Variants in CEP63 observed in about 807,000 individuals in gnomAD.
CEP63 encodes centrosomal protein of 63 kDa.
A neutral mutation model predicts 89.1 loss-of-function variants in CEP63; 84 were observed. That is an observed-to-expected ratio of 0.94 (90% CI 0.79 to 1.13). The LOEUF (loss-of-function observed/expected upper bound fraction) is 1.13, where lower values mean the gene tolerates loss of function less well. Ranked by LOEUF, CEP63 falls within the 50% of genes most tolerant of loss-of-function variation. CEP63 has a pLI of 0.00. For synonymous variants in CEP63, 267 were observed against 272.5 expected (o/e 0.98, Z 0.20); for missense variants, 838 against 813.3 (o/e 1.03, Z -0.37).
At chr3:134,620,739 G>A in the CEP63 span, 2 of 1,603,874 alleles carry the variant, frequency 1.2e-6, no homozygotes, top group Non-Finnish European at 1.7e-6. Flanking sequence ...AATTCCACAG[G>A]GGGGCCTACC....
At chr3:134,567,217 T>C (rs1184264128), downstream of CEP63, among the ~76,000 whole-genome samples, 2 of 150,654 alleles carry the variant, frequency 1.3e-5, no homozygotes, top group Non-Finnish European at 2.9e-5. Context: ...TTGACAAATC[T>C]GTAGAGATAG....
intron 10 of CEP63, among the ~76,000 whole-genome samples, chr3:134,586,457 A>G (rs538207735): frequency 6.6e-6 from 1 of 152,124 alleles, no homozygotes; most frequent in Non-Finnish European, 1.5e-5. Flanking sequence ...TATGAAGCTT[A>G]GTTTGGCTGG....
Position 134,495,329 on chromosome 3 carries a change from T to G in CEP63, c.9T>G (p.Ala3=). The change falls in exon 2 of 15, where the codon GCT becomes GCG. Residue 3 remains alanine, a synonymous_variant. Coordinates refer to ENST00000675561, the MANE Select transcript of CEP63 (RefSeq NM_001353108.3). ...ACAAAGGGGATTTGGTGATGGAGGC[T>G]TTGTTAGAAGGAATACAAAATCGAG... is the stretch of plus-strand genomic sequence containing the variant. ME[A]LLEGIQNRGH... is the part of the protein sequence containing the mutation. The G allele has an allele frequency of 6.2e-7, 1 of 1,613,844 alleles. No individual in the cohort carries two copies. The highest frequency in any genetic ancestry group is 1.7e-5 in the Admixed American group (1 of 60,020).
At chr3:134,672,275 T>A in the CEP63 span, among the ~76,000 whole-genome samples, 1 of 152,210 alleles carries the variant, frequency 6.6e-6, no homozygotes, top group Non-Finnish European at 1.5e-5. Context: ...TTCTGAGGAA[T>A]AAATGAGATT....
intron 5 of CEP63, chr3:134,536,472 T>C (rs1304806338): frequency 2.0e-5 from 3 of 153,034 alleles, no homozygotes; most frequent in Admixed American, 6.5e-5. Flanking sequence ...TTCATAAATA[T>C]TGAAATCACT....
chr3:134,616,294 C>T, the CEP63 span, among the ~76,000 whole-genome samples: 4 of 152,166 alleles, frequency 2.6e-5, no homozygotes, highest in East Asian at 7.7e-4. Flanking sequence ...ATCTGAATTC[C>T]TCCCCAAATT....
the CEP63 span, chr3:134,650,814 G>T: frequency 1.9e-6 from 3 of 1,567,690 alleles, no homozygotes; most frequent in Non-Finnish European, 2.6e-6. Context: ...CCCGGGTCGG[G>T]CGCGCGTTAC....
chr3:134,577,399 C>G (rs1362528640), downstream of CEP63, among the ~76,000 whole-genome samples: 1 of 147,930 alleles, frequency 6.8e-6, no homozygotes, highest in Non-Finnish European at 1.5e-5. Flanking sequence ...AAAAAGCTTA[C>G]CAAAAACTTT....
downstream of CEP63, chr3:134,565,072 C>T (rs536153946): frequency 3.7e-4 from 220 of 591,058 alleles, no homozygotes; most frequent in Non-Finnish European, 4.4e-4. Context: ...AAAATCTGTC[C>T]GTGATCAGGG....
At chr3:134,591,785 G>T (rs1052233467), downstream of CEP63, among the ~76,000 whole-genome samples, 10 of 152,270 alleles carry the variant, frequency 6.6e-5, no homozygotes, top group Middle Eastern at 3.4e-3. Context: ...GGAGGCTGAG[G>T]TGGGAAGGTG....
At chr3:134,717,468 T>A in the CEP63 span, among the ~76,000 whole-genome samples, 6 of 152,284 alleles carry the variant, frequency 3.9e-5, no homozygotes, top group African/African-American at 1.4e-4. Flanking sequence ...CGAAACACCT[T>A]GTCTCAAATA....
intron 12 of CEP63, among the ~76,000 whole-genome samples, chr3:134,555,873 A>G (rs918663375): frequency 2.0e-5 from 3 of 152,116 alleles, no homozygotes; most frequent in Non-Finnish European, 2.9e-5. Flanking sequence ...ACTTCAAACT[A>G]TACTACAAGG....
chr3:134,688,092 C>G, the CEP63 span, among the ~76,000 whole-genome samples: 1 of 152,200 alleles, frequency 6.6e-6, no homozygotes, highest in Non-Finnish European at 1.5e-5. Flanking sequence ...AAAACCTAAA[C>G]TTACATAAAA....
chr3:134,760,319 A>G, the CEP63 span, among the ~76,000 whole-genome samples: 3 of 151,934 alleles, frequency 2.0e-5, no homozygotes, highest in African/African-American at 4.8e-5. Flanking sequence ...TCGGCCTCCC[A>G]AAGTGCTGGG....
chr3:134,537,088 G>C lies in CEP63; in HGVS notation c.442-67G>C. ...ACATGGGGAGAAATTAAAGTTAAAG[G>C]GAGTCTGGGAAGTAGTGACAGTGAG... On this transcript the variant is annotated intron_variant, in intron 5 of 14. Transcript: ENST00000675561. 4 of 964,282 alleles carry C rather than the reference G, an allele frequency of 4.1e-6. No homozygotes were observed. In the South Asian group the frequency reaches 5.1e-5, roughly 12 times the overall value. The allele number at this position is 964,282 out of a possible 1,614,324, so 59.7% of individuals were successfully genotyped here. A position where few individuals can be genotyped will look rare whatever the true frequency, so the allele number is the denominator to read the frequency against.
At chr3:134,737,275 A>C in the CEP63 span, among the ~76,000 whole-genome samples, 5 of 152,212 alleles carry the variant, frequency 3.3e-5, no homozygotes, top group African/African-American at 9.6e-5. Context: ...ATAAGCACAA[A>C]ATCTAATAAG....
At chr3:134,777,193 A>G in the CEP63 span, among the ~76,000 whole-genome samples, 2 of 152,234 alleles carry the variant, frequency 1.3e-5, no homozygotes, top group African/African-American at 2.4e-5. Context: ...TCTGGATTTT[A>G]CCATTAATAA....
At chr3:134,643,501 A>G in the CEP63 span, 1 of 711,374 alleles carries the variant, frequency 1.4e-6, no homozygotes, top group Non-Finnish European at 2.5e-6. Context: ...CCCCAGGCCT[A>G]AATGTGTGCA....
At chr3:134,661,488 C>T in the CEP63 span, among the ~76,000 whole-genome samples, 1 of 152,128 alleles carries the variant, frequency 6.6e-6, no homozygotes, top group Admixed American at 6.5e-5. Context: ...CACAGATGAA[C>T]GAATCTCTCT....
Sources: allele counts gnomAD v4.1 joint callset (sites outside exome capture counted in the v4.1 genomes callset), GRCh38; gene constraint gnomAD v4.1.1; transcripts MANE v1.5; gene names NCBI Gene and HGNC (gene_info 2026-07-23, HGNC 2026-07-21).